The following SGCZ variants were observed in gnomAD, a reference collection of about 807,000 sequenced individuals.
The protein encoded by SGCZ is sarcoglycan zeta, also known as zeta-sarcoglycan.
A neutral mutation model predicts 41.3 loss-of-function variants in SGCZ; 40 were observed. The observed-to-expected ratio is 0.97, with a 90% CI of 0.75 to 1.26. SGCZ has a LOEUF of 1.26. Ranked by LOEUF, SGCZ falls within the 50% of genes most tolerant of loss-of-function variation. The pLI, the probability that SGCZ is intolerant of heterozygous loss-of-function variation, is 0.00. For synonymous variants in SGCZ, 206 were observed against 137.5 expected (o/e 1.50, Z -3.49); for missense variants, 552 against 369.8 (o/e 1.49, Z -4.04).
intron 3 of SGCZ, among the ~76,000 whole-genome samples, chr8:14,276,387 C>T (rs111456363): frequency 1.5e-4 from 23 of 152,046 alleles, no homozygotes; most frequent in East Asian, 1.2e-3. Context: ...AGCAGACATT[C>T]GATATCAGGG....
At position 14,282,935 on chromosome 8, in the gene SGCZ, C is replaced by T. The variant is rs867879043; in HGVS notation, c.336+41168G>A. Among the ~76,000 whole-genome samples the T allele has an allele frequency of 5.9e-5, 8 of 135,856 alleles. No homozygotes were observed. In the South Asian group the frequency reaches 6.9e-4, roughly 12 times the overall value. The allele number at this position is 135,856 out of a possible 152,430, so 89.1% of individuals were successfully genotyped here. On this transcript the variant is annotated intron_variant, in intron 3 of 7. Coordinates refer to ENST00000382080, the MANE Select transcript of SGCZ (RefSeq NM_139167.4). ...CGCGATCTCAGCTCACTGCAAGCTC[C>T]GCCTCCAGGGTTCACGCCATTCTCC...
chr8:14,524,627 C>T (rs549492702), intron 2 of SGCZ, among the ~76,000 whole-genome samples: 42 of 152,176 alleles, frequency 2.8e-4, no homozygotes, highest in Admixed American at 1.4e-3. Context: ...TATTTTCAAA[C>T]CTAAAGCACA....
In SGCZ at chr8:14,335,163, G is replaced by A. The variant is rs149315982; in HGVS notation, c.235-10959C>T. ...TCACGAAGCTCCTAATCTCCATGGT[G>A]ATTTAGGATGTGCTTTATTGAGTTT... is the stretch of plus-strand genomic sequence containing the variant. On this transcript the variant is annotated intron_variant, in intron 2 of 7. Transcript: ENST00000382080. Among the ~76,000 whole-genome samples, 208 of 152,250 alleles carry A rather than the reference G, an allele frequency of 1.4e-3. 2 individuals are homozygous for A. Among genetic ancestry groups the A allele is most frequent in the African/African-American group, 4.8e-3 (199 of 41,570 alleles).
intron 6 of SGCZ, among the ~76,000 whole-genome samples, chr8:14,103,481 T>G (rs1043440307): frequency 6.6e-6 from 1 of 152,156 alleles, no homozygotes; most frequent in Non-Finnish European, 1.5e-5. Flanking sequence ...GGTTTTGTTT[T>G]TGTTTTCTGA....
intron 4 of SGCZ, among the ~76,000 whole-genome samples, chr8:14,223,061 C>T (rs1031879665): frequency 4.6e-5 from 7 of 152,012 alleles, no homozygotes; most frequent in Non-Finnish European, 8.8e-5. Flanking sequence ...CCACCTACCT[C>T]GGCCTCCCAA....
intron 5 of SGCZ, among the ~76,000 whole-genome samples, chr8:14,110,813 G>C (rs1802349124): frequency 6.6e-6 from 1 of 152,116 alleles, no homozygotes; most frequent in African/African-American, 2.4e-5. Context: ...AGCACTTTAG[G>C]AGGACGAAGC....
intron 1 of SGCZ, among the ~76,000 whole-genome samples, chr8:14,599,261 C>A (rs1805510478): frequency 6.6e-6 from 1 of 152,168 alleles, no homozygotes; most frequent in Admixed American, 6.5e-5. Flanking sequence ...TCCCTCCTTA[C>A]CTATTTTTGA....
chr8:15,194,819 G>A (rs1800668258), intron 1 of SGCZ, among the ~76,000 whole-genome samples: 1 of 152,128 alleles, frequency 6.6e-6, no homozygotes, highest in African/African-American at 2.4e-5. Flanking sequence ...TTAGCCAAAT[G>A]AAACTCATTC....
chr8:14,459,385 T>C lies in SGCZ; in HGVS notation c.234+95347A>G, dbSNP rs369464258. On this transcript the variant is annotated intron_variant, in intron 2 of 7. Transcript: ENST00000382080. ...ATACATATGTAACAAACCTGCACAT[T>C]GTGCACATGTACCCTAAACCTTAAA... Among the ~76,000 whole-genome samples, 62 of 151,922 alleles carry C rather than the reference T, an allele frequency of 4.1e-4. 2 individuals carry two copies. In the East Asian group the frequency reaches 7.8e-3, roughly 19 times the overall value.
intron 1 of SGCZ, among the ~76,000 whole-genome samples, chr8:15,034,525 G>C (rs897530059): frequency 6.6e-6 from 1 of 152,104 alleles, no homozygotes; most frequent in African/African-American, 2.4e-5. Flanking sequence ...GAGAAATAAA[G>C]AGGTAGAAAG....
intron 1 of SGCZ, among the ~76,000 whole-genome samples, chr8:14,789,109 T>C (rs1800868219): frequency 6.6e-6 from 1 of 152,104 alleles, no homozygotes; most frequent in East Asian, 1.9e-4. Context: ...ACACATGCAC[T>C]CTCTTCATAA....
intron 1 of SGCZ, among the ~76,000 whole-genome samples, chr8:14,948,665 A>C (rs1444953676): frequency 6.6e-6 from 1 of 152,004 alleles, no homozygotes; most frequent in Non-Finnish European, 1.5e-5. Flanking sequence ...ACTACCTCCT[A>C]TTTTGCAAAC....
chr8:14,878,761 C>A (rs148150664), intron 1 of SGCZ, among the ~76,000 whole-genome samples: 13 of 152,262 alleles, frequency 8.5e-5, no homozygotes, highest in Non-Finnish European at 1.5e-4. Flanking sequence ...CAATGAAACA[C>A]AAATCACTCC....
intron 1 of SGCZ, among the ~76,000 whole-genome samples, chr8:14,797,902 T>C (rs953557281): frequency 4.1e-4 from 62 of 152,252 alleles, no homozygotes; most frequent in Admixed American, 1.4e-3. Context: ...AGTTTACACG[T>C]GGTGTTGAGA....
At chr8:14,718,418 A>G (rs746066112) in intron 1 of SGCZ, among the ~76,000 whole-genome samples, 10 of 152,090 alleles carry the variant, frequency 6.6e-5, no homozygotes, top group Non-Finnish European at 1.5e-4. Context: ...TATACGACTA[A>G]TCATGTGATG....
At chr8:14,202,200 G>A (rs1443284214) in intron 4 of SGCZ, among the ~76,000 whole-genome samples, 3 of 152,098 alleles carry the variant, frequency 2.0e-5, no homozygotes, top group Non-Finnish European at 2.9e-5. Context: ...AATGCAAAAC[G>A]ACTCATCCAG....
intron 1 of SGCZ, among the ~76,000 whole-genome samples, chr8:14,826,111 G>C (rs943986490): frequency 5.2e-5 from 6 of 114,600 alleles, no homozygotes; most frequent in African/African-American, 2.1e-4. Context: ...TGTCCCCAAA[G>C]TGTGATGCTC....
intron 2 of SGCZ, among the ~76,000 whole-genome samples, chr8:14,468,587 C>T (rs893663897): frequency 6.6e-6 from 1 of 152,040 alleles, no homozygotes; most frequent in Admixed American, 6.6e-5. Context: ...AAATAATTGA[C>T]TTAACGTATT....
chr8:14,105,363 C>A (rs950143893), intron 6 of SGCZ, among the ~76,000 whole-genome samples: 6 of 152,024 alleles, frequency 3.9e-5, no homozygotes, highest in African/African-American at 9.7e-5. Flanking sequence ...TTTCTAAAGT[C>A]TTTTTGTTCT....
Sources: gnomAD v4.1 joint callset for allele counts (sites outside exome capture counted in the v4.1 genomes callset) on GRCh38, gnomAD v4.1.1 for gene constraint, MANE v1.5 for transcripts, NCBI Gene and HGNC (gene_info 2026-07-23, HGNC 2026-07-21) for gene names.